The following LRRC2 variants were observed in gnomAD, a reference collection of about 807,000 sequenced individuals.
LRRC2 encodes the protein leucine-rich repeat-containing protein 2.
Under a neutral mutation model 40.2 loss-of-function variants are expected in LRRC2, and 27 were observed. The observed-to-expected ratio is 0.67, with a 90% CI of 0.49 to 0.93. LRRC2 has a LOEUF of 0.93. Ranked by LOEUF, LRRC2 falls within the 40% of genes least tolerant of loss-of-function variation. The pLI is 0.00. For missense variants in LRRC2, 402 were observed against 439.6 expected (o/e 0.91, Z 0.76); for synonymous variants, 147 against 158.9 (o/e 0.92, Z 0.56).
intron 7 of LRRC2, among the ~76,000 whole-genome samples, chr3:46,524,547 G>T (rs1170205189): frequency 6.6e-6 from 1 of 152,178 alleles, no homozygotes; most frequent in African/African-American, 2.4e-5. Context: ...TGTTCTCTGG[G>T]ATTTGGTTTG....
At chr3:46,543,644 A>G (rs1704450786) in intron 3 of LRRC2, among the ~76,000 whole-genome samples, 1 of 97,640 alleles carries the variant, frequency 1.0e-5, no homozygotes, top group African/African-American at 3.3e-5. Flanking sequence ...TAATAATAAT[A>G]ATAATAAATA....
intron 1 of LRRC2, among the ~76,000 whole-genome samples, chr3:46,561,599 T>TC (rs1296379042): frequency 6.6e-6 from 1 of 151,994 alleles, no homozygotes; most frequent in Non-Finnish European, 1.5e-5. Context: ...CCTGCTGCAG[T>TC]CCATTTCTTT....
chr3:46,553,385 C>A (rs540431280), intron 1 of LRRC2, among the ~76,000 whole-genome samples: 1 of 152,340 alleles, frequency 6.6e-6, no homozygotes, highest in South Asian at 2.1e-4. Flanking sequence ...CTGGTGAATA[C>A]TTTCTCCTCC....
intron 2 of LRRC2, among the ~76,000 whole-genome samples, chr3:46,545,566 G>T (rs370668145): frequency 5.0e-4 from 76 of 152,310 alleles, no homozygotes; most frequent in African/African-American, 1.7e-3. Flanking sequence ...GGGCCACAGG[G>T]ATTCACTGAT....
In LRRC2 at chr3:46,516,488, T is replaced by A. The variant is rs992205474; in HGVS notation, c.*2526A>T. 2.0e-5 allele frequency: 3 copies of A among 152,142 alleles called. No individual in the cohort carries two copies. Among genetic ancestry groups the A allele is most frequent in the African/African-American group, 7.2e-5 (3 of 41,430 alleles). The allele number at this position is 152,142 out of a possible 1,614,324, so 9.4% of individuals were successfully genotyped here. On this transcript the variant is annotated 3_prime_UTR_variant, in exon 9 of 9. Transcript: ENST00000395905. ...GAAAATAAAAATCACCATACATTTC[T>A]ACCCCAGATTAACTTCCAAAAAAAC...
At chr3:46,565,751 C>G (rs1195609673) in intron 1 of LRRC2, among the ~76,000 whole-genome samples, 1 of 152,238 alleles carries the variant, frequency 6.6e-6, no homozygotes. Context: ...GAAAAGACTT[C>G]CCCGCCAGGG....
intron 2 of LRRC2, among the ~76,000 whole-genome samples, chr3:46,550,377 C>CTTTTTTTTTTTTTT (rs34602158): frequency 2.4e-5 from 2 of 84,006 alleles, no homozygotes; most frequent in Admixed American, 1.6e-4. Flanking sequence ...CCTTACACAT[C>CTTTTTTTTTTTTTT]TTTTTTTTTT....
At chr3:46,556,857 G>A (rs139588245) in intron 1 of LRRC2, among the ~76,000 whole-genome samples, 220 of 152,200 alleles carry the variant, frequency 1.4e-3, no homozygotes, top group African/African-American at 4.1e-3. Flanking sequence ...GATTACAGGC[G>A]TGAGCCATCG....
intron 5 of LRRC2, among the ~76,000 whole-genome samples, chr3:46,531,173 T>C (rs1364525119): frequency 2.7e-5 from 4 of 148,248 alleles, no homozygotes; most frequent in African/African-American, 9.9e-5. Flanking sequence ...TTTTTTGAGA[T>C]GGCGTTTCAC....
rs1266250197 is a variant in LRRC2, at chr3:46,538,896, A to C, written c.490+149T>G. On this transcript the variant is annotated intron_variant, in intron 4 of 8. Coordinates refer to ENST00000395905, the MANE Select transcript of LRRC2 (RefSeq NM_024512.5). ...ACCCAAAGGGATGCTGCAAACAAGC[A>C]GCTCTGGGGAGCCTCCAAACGGCCC... 5.8e-5 allele frequency: 41 copies of C among 711,808 alleles called. No individual in the cohort carries two copies. The East Asian group carries it at 1.1e-3, about 20-fold the overall frequency. 44.1% of individuals were successfully genotyped at this position (711,808 alleles called of 1,614,324 possible). A position where few individuals can be genotyped will look rare whatever the true frequency, so the allele number is the denominator to read the frequency against.
chr3:46,559,038 G>A (rs183843653), intron 1 of LRRC2: 6 of 152,274 alleles, frequency 3.9e-5, no homozygotes, highest in East Asian at 3.9e-4. Flanking sequence ...ATAAAGTATT[G>A]CATATTTCAA....
intron 3 of LRRC2, 139 bp downstream of exon 3, chr3:46,544,907 G>T: frequency 1.2e-6 from 1 of 833,676 alleles, no homozygotes; most frequent in South Asian, 1.6e-5. Context: ...CTGCTTCCAG[G>T]ACTGCGCTGC....
At chr3:46,551,034 A>G (rs1704634754) in intron 2 of LRRC2, 1 of 153,748 alleles carries the variant, frequency 6.5e-6, no homozygotes, top group Non-Finnish European at 1.4e-5. Flanking sequence ...AAACGACACC[A>G]ACACAATGAA....
intron 3 of LRRC2, among the ~76,000 whole-genome samples, chr3:46,541,941 GAGA>G (rs1371133563): frequency 2.0e-5 from 3 of 152,130 alleles, no homozygotes; most frequent in Admixed American, 6.5e-5. Flanking sequence ...CCCAGGAACT[GAGA>G]AGATCCTTCT....
chr3:46,550,357 C>T (rs9861962), intron 2 of LRRC2, among the ~76,000 whole-genome samples: 66,505 of 147,534 alleles, frequency 0.45, 15,506 homozygotes, highest in African/African-American at 0.53. Flanking sequence ...AGAATGTAGA[C>T]ACATTCACAC....
At chr3:46,533,369 G>A (rs986303981) in intron 4 of LRRC2, among the ~76,000 whole-genome samples, 2 of 152,144 alleles carry the variant, frequency 1.3e-5, no homozygotes, top group South Asian at 4.2e-4. Flanking sequence ...AGAGCCCAAG[G>A]AGCAGCTTAA....
At chr3:46,562,824 G>A (rs1304492243) in intron 1 of LRRC2, among the ~76,000 whole-genome samples, 2 of 151,880 alleles carry the variant, frequency 1.3e-5, no homozygotes, top group Non-Finnish European at 2.9e-5. Flanking sequence ...CACTTCCTGG[G>A]TTCAAGCAAT....
chr3:46,527,971 T>A (rs1704089590), intron 6 of LRRC2, among the ~76,000 whole-genome samples: 1 of 152,164 alleles, frequency 6.6e-6, no homozygotes, highest in Admixed American at 6.6e-5. Context: ...TCAAGCAGTC[T>A]GCCCACCTCA....
At chr3:46,554,309 G>A (rs1474898750) in intron 1 of LRRC2, among the ~76,000 whole-genome samples, 1 of 60,522 alleles carries the variant, frequency 1.7e-5, no homozygotes, top group Non-Finnish European at 3.3e-5. Flanking sequence ...GCATGAGACA[G>A]TCTGCCCAGC....
Sources: allele counts gnomAD v4.1 joint callset (sites outside exome capture counted in the v4.1 genomes callset), GRCh38; gene constraint gnomAD v4.1.1; transcripts MANE v1.5; gene names NCBI Gene and HGNC (gene_info 2026-07-23, HGNC 2026-07-21).